Variants in C10orf90 observed in about 807,000 individuals in gnomAD.
C10orf90 encodes the protein (E2-independent) E3 ubiquitin-conjugating enzyme FATS.
C10orf90 carries 56 observed loss-of-function variants against 62.5 expected under a neutral mutation model. That is an observed-to-expected ratio of 0.90 (90% CI 0.72 to 1.12). C10orf90 has a LOEUF of 1.12. C10orf90 is among the 50% of genes most tolerant of loss of function. The pLI, the probability that C10orf90 is intolerant of heterozygous loss-of-function variation, is 0.00. For synonymous variants in C10orf90, 386 were observed against 340.4 expected (o/e 1.13, Z -1.47); for missense variants, 970 against 880.4 (o/e 1.10, Z -1.29).
At chr10:126,576,694 T>G (rs879269654) in intron 2 of C10orf90, among the ~76,000 whole-genome samples, 5,021 of 33,766 alleles carry the variant, frequency 0.15, 1,008 homozygotes, top group African/African-American at 0.32. Context: ...CATATACATG[T>G]ATATGTATAT....
Position 126,464,678 on chromosome 10 carries a change from A to G in C10orf90, c.1825+18T>C. 6.3e-7 allele frequency: 1 copy of G among 1,587,660 alleles called. No individual in the cohort carries two copies. Among genetic ancestry groups the G allele is most frequent in the Middle Eastern group, 1.7e-4 (1 of 5,878 alleles). The stretch of plus-strand genomic sequence containing the variant: ...ATGTCAAGACCAAATGATGTCACCC[A>G]CCACCCTCGCTCCTTACCTTTGGGG... On this transcript the variant is annotated intron_variant, in intron 5 of 9. Transcript: ENST00000488181.
chr10:126,505,739 G>C (rs1862693842), intron 3 of C10orf90, among the ~76,000 whole-genome samples: 1 of 152,136 alleles, frequency 6.6e-6, no homozygotes, highest in South Asian at 2.1e-4. Flanking sequence ...CGGATCACCT[G>C]AGGTCGTGAG....
intron 2 of C10orf90, among the ~76,000 whole-genome samples, chr10:126,599,169 T>C (rs900871905): frequency 3.3e-5 from 5 of 151,146 alleles, no homozygotes; most frequent in African/African-American, 9.7e-5. Flanking sequence ...CCAGGCCTCA[T>C]TGGGTTCCAC....
intron 2 of C10orf90, among the ~76,000 whole-genome samples, chr10:126,570,534 T>C (rs1468955879): frequency 6.6e-6 from 1 of 152,146 alleles, no homozygotes; most frequent in Non-Finnish European, 1.5e-5. Context: ...CCCTACAGGG[T>C]TCGTAATGAG....
At chr10:126,465,531 T>C (rs1001466710) in intron 4 of C10orf90, among the ~76,000 whole-genome samples, 2 of 152,200 alleles carry the variant, frequency 1.3e-5, no homozygotes, top group African/African-American at 4.8e-5. Context: ...GTTAGCACAG[T>C]ACCTGATGCA....
At chr10:126,494,381 G>T (rs1861926050) in intron 4 of C10orf90, among the ~76,000 whole-genome samples, 1 of 152,152 alleles carries the variant, frequency 6.6e-6, no homozygotes, top group Non-Finnish European at 1.5e-5. Context: ...CAAGATATGG[G>T]CCTCAAGGTT....
At chr10:126,503,459 TACAC>T (rs1471861140) in intron 4 of C10orf90, among the ~76,000 whole-genome samples, 1 of 152,144 alleles carries the variant, frequency 6.6e-6, no homozygotes, top group African/African-American at 2.4e-5. Context: ...CACATTCACA[TACAC>T]ACATTCACAC....
chr10:126,576,747 T>A (rs1844631818), intron 2 of C10orf90, among the ~76,000 whole-genome samples: 10 of 78,508 alleles, frequency 1.3e-4, no homozygotes, highest in Non-Finnish European at 1.8e-4. Context: ...TATGTATATA[T>A]ACATATAGAT....
chr10:126,550,330 G>A (rs1864604960), intron 2 of C10orf90, among the ~76,000 whole-genome samples: 1 of 152,108 alleles, frequency 6.6e-6, no homozygotes, highest in Admixed American at 6.5e-5. Context: ...GTTAGGAAGA[G>A]GGAGGTGCAG....
At position 126,459,140 on chromosome 10, in the gene C10orf90, C is replaced by A; in HGVS notation, c.2088G>T (p.Gln696His). The A allele has an allele frequency of 6.2e-7, 1 of 1,614,218 alleles. No individual in the cohort carries two copies. The highest frequency in any genetic ancestry group is 8.5e-7 in the Non-Finnish European group (1 of 1,180,046). ...CCTCCTTCCGCTGGGCTTTCCTCTGCTGGACCATGTGTTCAAGCTTCTTCA... is the reference window on the plus strand; with the variant it reads ...CCTCCTTCCGCTGGGCTTTCCTCTGATGGACCATGTGTTCAAGCTTCTTCA... ...ERLKKLEHMV[Q>H]QRKAQRKEDL... Residue 696 changes from glutamine to histidine, a missense_variant, in exon 7 of 10, where the codon CAG becomes CAT. Physicochemically the swap from Gln to His is conservative, Grantham distance 24. Transcript: ENST00000488181.
At chr10:126,548,448 T>A (rs1014195850) in intron 2 of C10orf90, among the ~76,000 whole-genome samples, 3 of 152,022 alleles carry the variant, frequency 2.0e-5, no homozygotes, top group African/African-American at 4.8e-5. Context: ...CTCACTGCAA[T>A]CTCCGCCTCC....
At chr10:126,595,529 C>T (rs1388851986) in intron 2 of C10orf90, among the ~76,000 whole-genome samples, 2 of 152,110 alleles carry the variant, frequency 1.3e-5, no homozygotes, top group African/African-American at 4.8e-5. Context: ...TGGAATCTCC[C>T]GCAGCTCTCC....
At chr10:126,472,042 C>T (rs1355206506) in intron 4 of C10orf90, among the ~76,000 whole-genome samples, 1 of 152,186 alleles carries the variant, frequency 6.6e-6, no homozygotes, top group South Asian at 2.1e-4. Flanking sequence ...TAGATCACAT[C>T]TTTCTACCTT....
At chr10:126,431,640 A>G (rs909063895) in intron 7 of C10orf90, among the ~76,000 whole-genome samples, 12 of 152,316 alleles carry the variant, frequency 7.9e-5, no homozygotes, top group Admixed American at 7.8e-4. Flanking sequence ...CAGCTCAGCA[A>G]TCCTCATGGG....
chr10:126,666,732 A>C (rs1398303418), intron 1 of C10orf90, among the ~76,000 whole-genome samples: 1 of 152,038 alleles, frequency 6.6e-6, no homozygotes, highest in Non-Finnish European at 1.5e-5. Flanking sequence ...TAATCCCAGC[A>C]CTTTGGGAGA....
At position 126,490,013 on chromosome 10, in the gene C10orf90, T is replaced by TAA. The variant is rs1564827964; in HGVS notation, c.1534+13943_1534+13944insTT. Among the ~76,000 whole-genome samples, 15 of 74,328 alleles carry TAA rather than the reference T, an allele frequency of 2.0e-4. No individual in the cohort carries two copies. The South Asian group carries it at 3.4e-3, about 17-fold the overall frequency. The allele number at this position is 74,328 out of a possible 152,430, so 48.8% of individuals were successfully genotyped here. A position where few individuals can be genotyped will look rare whatever the true frequency, so the allele number is the denominator to read the frequency against. ...TAATATATATTATATATTATATATA[T>TAA]TATATATAATATATAATATATAATA... On this transcript the variant is annotated intron_variant, in intron 4 of 9. Transcript: ENST00000488181.
At chr10:126,546,203 C>T (rs2133972307) in intron 2 of C10orf90, among the ~76,000 whole-genome samples, 1 of 152,338 alleles carries the variant, frequency 6.6e-6, no homozygotes, top group East Asian at 1.9e-4. Context: ...CACTCTACTC[C>T]AGCCAAACCC....
chr10:126,670,586 C>T lies in C10orf90; in HGVS notation c.-106G>A, dbSNP rs1846730516. 7.6e-6 allele frequency: 3 copies of T among 392,886 alleles called. No homozygotes were observed. Among genetic ancestry groups the T allele is most frequent in the South Asian group, 5.7e-5 (3 of 52,404 alleles). 24.3% of individuals were successfully genotyped at this position (392,886 alleles called of 1,614,324 possible). On this transcript the variant is annotated 5_prime_UTR_variant, in exon 1 of 10. Coordinates refer to ENST00000488181, the MANE Select transcript of C10orf90 (RefSeq NM_001350921.2). ...AGGAGGGACTTGGGCAGTGCCCCAG[C>T]TCGGACCTGTCCCAGTGTTTTCCAA...
chr10:126,653,280 T>C (rs563839691), intron 1 of C10orf90, among the ~76,000 whole-genome samples: 8 of 152,358 alleles, frequency 5.3e-5, no homozygotes, highest in Admixed American at 5.2e-4. Context: ...TGAAGTTGTT[T>C]GGAGGCATTT....
Sources: gnomAD v4.1 joint callset for allele counts (sites outside exome capture counted in the v4.1 genomes callset) on GRCh38, gnomAD v4.1.1 for gene constraint, MANE v1.5 for transcripts, NCBI Gene and HGNC (gene_info 2026-07-23, HGNC 2026-07-21) for gene names.